The following ATP6V0C variants were observed in gnomAD, a reference collection of about 807,000 sequenced individuals.
The protein encoded by ATP6V0C is V-type proton ATPase 16 kDa proteolipid subunit c.
ATP6V0C carries 2 observed loss-of-function variants against 10.6 expected under a neutral mutation model. The ratio of observed to expected loss-of-function variants is 0.19; its 90% CI spans 0.08 to 0.59. The LOEUF is 0.59. ATP6V0C is among the 20% of genes least tolerant of loss of function. The pLI is 0.90. For missense variants in ATP6V0C, 89 were observed against 225.9 expected (o/e 0.39, Z 3.88); for synonymous variants, 128 against 101.3 (o/e 1.26, Z -1.59).
chr16:2,519,914 C>CCCCCCCGG lies in ATP6V0C; in HGVS notation c.*169_*170insCCCCCCGG. The CCCCCCCGG allele has an allele frequency of 1.0e-6, 1 of 983,454 alleles. No individual in the cohort carries two copies. The highest frequency in any genetic ancestry group is 1.5e-6 in the Non-Finnish European group (1 of 646,516). The allele number at this position is 983,454 out of a possible 1,614,324, so 60.9% of individuals were successfully genotyped here. On this transcript the variant is annotated 3_prime_UTR_variant, in exon 3 of 3. Coordinates refer to ENST00000330398, the MANE Select transcript of ATP6V0C (RefSeq NM_001694.4). ...CTGTTTCCCCGGCCTTGCCCCCGCC[C>CCCCCCCGG]GCCCCGTGCCGTGGACATCTGGGCC...
At position 2,519,884 on chromosome 16, in the gene ATP6V0C, A is replaced by G. The variant is rs2065900849; in HGVS notation, c.*139A>G. The G allele has an allele frequency of 1.7e-6, 2 of 1,206,584 alleles. No individual in the cohort carries two copies. The highest frequency in any genetic ancestry group is 1.5e-5 in the African/African-American group (1 of 66,514). The allele number at this position is 1,206,584 out of a possible 1,614,324, so 74.7% of individuals were successfully genotyped here. On this transcript the variant is annotated 3_prime_UTR_variant, in exon 3 of 3. Transcript: ENST00000330398. ...GTACATGCGCAGTGTCCTAGTGCCC[A>G]TCGTCTGTTTCCCCGGCCTTGCCCC...
In ATP6V0C at chr16:2,514,017, C is replaced by A; in HGVS notation, c.-87C>A. 7.7e-7 allele frequency: 1 copy of A among 1,296,438 alleles called. No individual in the cohort carries two copies. Among genetic ancestry groups the A allele is most frequent in the Non-Finnish European group, 1.1e-6 (1 of 944,050 alleles). 80.3% of individuals were successfully genotyped at this position (1,296,438 alleles called of 1,614,324 possible). A position where few individuals can be genotyped will look rare whatever the true frequency, so the allele number is the denominator to read the frequency against. Reference sequence around the variant, plus strand: ...CCGGATCGCCTTCGCCGCCGCCCGCCCGCAAACCTTCGTGCCCGGCCCGTC... The same window carrying A: ...CCGGATCGCCTTCGCCGCCGCCCGCACGCAAACCTTCGTGCCCGGCCCGTC... On this transcript the variant is annotated 5_prime_UTR_variant, in exon 1 of 3. Transcript: ENST00000330398.
Position 2,513,993 on chromosome 16 carries a change from C to A in ATP6V0C, c.-111C>A. The A allele has an allele frequency of 2.1e-6, 2 of 957,960 alleles. No homozygotes were observed. Among genetic ancestry groups the A allele is most frequent in the Non-Finnish European group, 3.1e-6 (2 of 652,888 alleles). 59.3% of individuals were successfully genotyped at this position (957,960 alleles called of 1,614,324 possible). On this transcript the variant is annotated 5_prime_UTR_variant, in exon 1 of 3. Transcript: ENST00000330398. Reference sequence around the variant, plus strand: ...ATTTAGAGCGCAGCGGCTGACGGGCCGGATCGCCTTCGCCGCCGCCCGCCC... The same window carrying A: ...ATTTAGAGCGCAGCGGCTGACGGGCAGGATCGCCTTCGCCGCCGCCCGCCC...
chr16:2,514,307 C>T (rs1416764265), intron 1 of ATP6V0C, 125 bp downstream of exon 1: 1 of 1,073,726 alleles, frequency 9.3e-7, no homozygotes, highest in Non-Finnish European at 1.2e-6. Context: ...GCGCCCGGGC[C>T]TCGTGTGACA....
intron 1 of ATP6V0C, chr16:2,516,822 T>C (rs937330939): frequency 2.6e-5 from 4 of 152,480 alleles, no homozygotes; most frequent in African/African-American, 9.6e-5. Context: ...CTGCTGAGCC[T>C]AGTGCCGCTC....
At position 2,519,923 on chromosome 16, in the gene ATP6V0C, C is replaced by G. The variant is rs2065901557; in HGVS notation, c.*178C>G. On this transcript the variant is annotated 3_prime_UTR_variant, in exon 3 of 3. Transcript: ENST00000330398. ...CGGCCTTGCCCCCGCCCGCCCCGTGCCGTGGACATCTGGGCCCACTCATCG... is the reference window on the plus strand; with the variant it reads ...CGGCCTTGCCCCCGCCCGCCCCGTGGCGTGGACATCTGGGCCCACTCATCG... 1.1e-6 allele frequency: 1 copy of G among 904,168 alleles called. No individual in the cohort carries two copies. The highest frequency in any genetic ancestry group is 1.7e-6 in the Non-Finnish European group (1 of 576,056). The allele number at this position is 904,168 out of a possible 1,614,324, so 56.0% of individuals were successfully genotyped here.
rs2065903335 is a variant in ATP6V0C, at chr16:2,520,047, TC to T, written c.*303del. Reference sequence around the variant, plus strand: ...TTTACTGGATGTTTATTTATAAAGATCTGGCCTGTTCCTGCGTCTGCGGAGC... The same window carrying T: ...TTTACTGGATGTTTATTTATAAAGATTGGCCTGTTCCTGCGTCTGCGGAGC... On this transcript the variant is annotated 3_prime_UTR_variant, in exon 3 of 3. Coordinates refer to ENST00000330398, the MANE Select transcript of ATP6V0C (RefSeq NM_001694.4). The T allele has an allele frequency of 4.6e-6, 3 of 645,782 alleles. No individual in the cohort carries two copies. Among genetic ancestry groups the T allele is most frequent in the Non-Finnish European group, 5.7e-6 (2 of 350,102 alleles). The allele number at this position is 645,782 out of a possible 1,614,324, so 40.0% of individuals were successfully genotyped here. A position where few individuals can be genotyped will look rare whatever the true frequency, so the allele number is the denominator to read the frequency against.
At chr16:2,515,734 G>A (rs1045068395) in intron 1 of ATP6V0C, among the ~76,000 whole-genome samples, 2 of 152,194 alleles carry the variant, frequency 1.3e-5, no homozygotes, top group African/African-American at 4.8e-5. Context: ...GCTTGTGGCT[G>A]TCACTCATTC....
In ATP6V0C at chr16:2,519,942, C is replaced by T. The variant is rs765328916; in HGVS notation, c.*197C>T. The T allele has an allele frequency of 1.3e-5, 10 of 788,186 alleles. No homozygotes were observed. The highest frequency in any genetic ancestry group is 1.0e-4 in the African/African-American group (6 of 58,606). The allele number at this position is 788,186 out of a possible 1,614,324, so 48.8% of individuals were successfully genotyped here. On this transcript the variant is annotated 3_prime_UTR_variant, in exon 3 of 3. Transcript: ENST00000330398. ...CCCGTGCCGTGGACATCTGGGCCCA[C>T]TCATCGCCCCTCCAGGCCCCCGGCG...
At chr16:2,515,412 A>G (rs1217620173) in intron 1 of ATP6V0C, among the ~76,000 whole-genome samples, 1 of 152,232 alleles carries the variant, frequency 6.6e-6, no homozygotes, top group African/African-American at 2.4e-5. Flanking sequence ...AACTCCAAAC[A>G]GTCTCTGCTG....
upstream of ATP6V0C, chr16:2,513,828 A>C: frequency 1.9e-5 from 4 of 212,266 alleles, no homozygotes; most frequent in Non-Finnish European, 1.9e-5. Flanking sequence ...GGCGGGCGGC[A>C]CAGCCCGGGG....
In ATP6V0C at chr16:2,519,243, C is replaced by T. The variant is rs758943055; in HGVS notation, c.105C>T (p.Ala35=). 4.3e-6 allele frequency: 7 copies of T among 1,613,502 alleles called. No homozygotes were observed. In the Admixed American group the frequency reaches 1.2e-4, roughly 27 times the overall value. ...CCCTGGGCGCTGCCTATGGCACAGC[C>T]AAGAGCGGTACCGGCATTGCGGCCA... ...FSALGAAYGT[A]KSGTGIAAMS... The change falls in exon 2 of 3, where the codon GCC becomes GCT. Residue 35 remains alanine, a synonymous_variant. Transcript: ENST00000330398.
intron 2 of ATP6V0C, 23 bp from the exon 3 acceptor site, chr16:2,519,518 C>G (rs758265268): frequency 3.0e-5 from 47 of 1,543,796 alleles, no homozygotes; most frequent in Non-Finnish European, 2.3e-5. Flanking sequence ...CTGCTGATGT[C>G]AGTCCTCTCT....
At chr16:2,513,933 C>G, upstream of ATP6V0C, 1 of 572,158 alleles carries the variant, frequency 1.7e-6, no homozygotes, top group South Asian at 2.2e-5. Flanking sequence ...TCATGTGACG[C>G]GGCCGCGGCC....
intron 1 of ATP6V0C, among the ~76,000 whole-genome samples, chr16:2,518,186 G>T (rs1282065208): frequency 6.6e-6 from 1 of 152,236 alleles, no homozygotes; most frequent in Non-Finnish European, 1.5e-5. Context: ...CCCTGTGGTG[G>T]CCCTGGAGGG....
At chr16:2,518,505 G>A (rs1287432670) in intron 1 of ATP6V0C, among the ~76,000 whole-genome samples, 1 of 152,188 alleles carries the variant, frequency 6.6e-6, no homozygotes, top group Admixed American at 6.5e-5. Flanking sequence ...GATCCCCGTC[G>A]TCTTCTCTGC....
In ATP6V0C at chr16:2,519,889, C is replaced by T. The variant is rs1397010400; in HGVS notation, c.*144C>T. 2.1e-5 allele frequency: 25 copies of T among 1,188,974 alleles called. No individual in the cohort carries two copies. The highest frequency in any genetic ancestry group is 3.0e-5 in the Non-Finnish European group (25 of 825,276). 73.7% of individuals were successfully genotyped at this position (1,188,974 alleles called of 1,614,324 possible). A position where few individuals can be genotyped will look rare whatever the true frequency, so the allele number is the denominator to read the frequency against. ...TGCGCAGTGTCCTAGTGCCCATCGT[C>T]TGTTTCCCCGGCCTTGCCCCCGCCC... On this transcript the variant is annotated 3_prime_UTR_variant, in exon 3 of 3. Coordinates refer to ENST00000330398, the MANE Select transcript of ATP6V0C (RefSeq NM_001694.4).
chr16:2,519,887 G>A lies in ATP6V0C; in HGVS notation c.*142G>A. 1 of 1,196,556 alleles carries A rather than the reference G, an allele frequency of 8.4e-7. No homozygotes were observed. Among genetic ancestry groups the A allele is most frequent in the Non-Finnish European group, 1.2e-6 (1 of 831,442 alleles). The allele number at this position is 1,196,556 out of a possible 1,614,324, so 74.1% of individuals were successfully genotyped here. A position where few individuals can be genotyped will look rare whatever the true frequency, so the allele number is the denominator to read the frequency against. The stretch of plus-strand genomic sequence containing the variant: ...CATGCGCAGTGTCCTAGTGCCCATC[G>A]TCTGTTTCCCCGGCCTTGCCCCCGC... On this transcript the variant is annotated 3_prime_UTR_variant, in exon 3 of 3. Coordinates refer to ENST00000330398, the MANE Select transcript of ATP6V0C (RefSeq NM_001694.4).
At chr16:2,515,720 AT>A (rs1232024769) in intron 1 of ATP6V0C, among the ~76,000 whole-genome samples, 1 of 152,154 alleles carries the variant, frequency 6.6e-6, no homozygotes, top group Non-Finnish European at 1.5e-5. Flanking sequence ...CCTGTGGGGT[AT>A]TAGCTTGTGG....
Sources: allele counts gnomAD v4.1 joint callset (sites outside exome capture counted in the v4.1 genomes callset), GRCh38; gene constraint gnomAD v4.1.1; transcripts MANE v1.5; gene names NCBI Gene and HGNC (gene_info 2026-07-23, HGNC 2026-07-21).